The following MAN2A1 variants were observed in gnomAD, a reference collection of about 807,000 sequenced individuals.
The protein encoded by MAN2A1 is mannosidase alpha class 2A member 1.
MAN2A1 carries 76 observed loss-of-function variants against 142.6 expected under a neutral mutation model. That is an observed-to-expected ratio of 0.53 (90% confidence interval 0.44 to 0.65). MAN2A1 has a LOEUF of 0.65. MAN2A1 is among the 30% of genes least tolerant of loss of function. MAN2A1 has a pLI of 0.00. For missense variants in MAN2A1, 1,311 were observed against 1,365.1 expected (o/e 0.96, Z 0.62); for synonymous variants, 559 against 473.2 (o/e 1.18, Z -2.35).
intron 4 of MAN2A1, among the ~76,000 whole-genome samples, chr5:109,748,465 G>A (rs1387269986): frequency 6.6e-6 from 1 of 150,466 alleles, no homozygotes; most frequent in African/African-American, 2.4e-5. Context: ...GGAACAATCA[G>A]TGTTAAATGA....
At chr5:109,780,056 G>GT (rs944790379) in intron 8 of MAN2A1, among the ~76,000 whole-genome samples, 6 of 151,242 alleles carry the variant, frequency 4.0e-5, no homozygotes, top group Admixed American at 6.6e-5. Context: ...ATGGTTGTAA[G>GT]TTTTTTTTTG....
At chr5:109,843,848 C>T (rs1755279538) in intron 17 of MAN2A1, among the ~76,000 whole-genome samples, 1 of 152,080 alleles carries the variant, frequency 6.6e-6, no homozygotes, top group South Asian at 2.1e-4. Context: ...AAACCATGAG[C>T]ATGTTTTTAA....
At chr5:109,714,016 G>A (rs1449018915) in intron 2 of MAN2A1, among the ~76,000 whole-genome samples, 2 of 151,664 alleles carry the variant, frequency 1.3e-5, no homozygotes, top group Non-Finnish European at 2.9e-5. Context: ...CAGTCTTTTT[G>A]TATGCTTTTC....
intron 6 of MAN2A1, among the ~76,000 whole-genome samples, chr5:109,769,165 C>T (rs1207287450): frequency 6.6e-6 from 1 of 152,138 alleles, no homozygotes; most frequent in Admixed American, 6.6e-5. Flanking sequence ...TCATAGCAAG[C>T]ATTAGTGACC....
At chr5:109,763,804 CTT>C (rs34748595) in intron 5 of MAN2A1, among the ~76,000 whole-genome samples, 11 of 143,666 alleles carry the variant, frequency 7.7e-5, no homozygotes, top group Admixed American at 6.9e-5. Flanking sequence ...ACCATTATAA[CTT>C]TTTTTTTTTT....
intron 3 of MAN2A1, among the ~76,000 whole-genome samples, chr5:109,719,361 A>G (rs185376367): frequency 1.2e-4 from 18 of 152,354 alleles, no homozygotes; most frequent in African/African-American, 4.3e-4. Context: ...AATTTTCACT[A>G]TTCCTTAACT....
intron 18 of MAN2A1, among the ~76,000 whole-genome samples, chr5:109,846,341 G>C (rs1755344138): frequency 6.6e-6 from 1 of 152,182 alleles, no homozygotes. Context: ...AGATTCAGAG[G>C]TTTAGATAAG....
At chr5:109,770,999 G>T (rs1753131742) in intron 7 of MAN2A1, among the ~76,000 whole-genome samples, 1 of 152,102 alleles carries the variant, frequency 6.6e-6, no homozygotes, top group Admixed American at 6.6e-5. Context: ...ATGCTTCCCA[G>T]CTCTGGTGTA....
intron 12 of MAN2A1, among the ~76,000 whole-genome samples, chr5:109,805,975 A>C (rs554117017): frequency 6.6e-6 from 1 of 152,156 alleles, no homozygotes; most frequent in Non-Finnish European, 1.5e-5. Context: ...TAGTGAAACA[A>C]CCGCTTGTGT....
chr5:109,735,256 C>T (rs1201757477), intron 4 of MAN2A1, among the ~76,000 whole-genome samples: 3 of 152,130 alleles, frequency 2.0e-5, no homozygotes, highest in African/African-American at 7.2e-5. Flanking sequence ...TATTTTGAGC[C>T]TATGTGTGTC....
intron 9 of MAN2A1, among the ~76,000 whole-genome samples, chr5:109,781,810 GA>G (rs139688041): frequency 1.3e-5 from 2 of 152,030 alleles, no homozygotes; most frequent in African/African-American, 2.4e-5. Context: ...TGTTCTGGAA[GA>G]AAAAATAGTT....
At chr5:109,840,534 A>G (rs1755174425) in intron 16 of MAN2A1, 2 of 508,088 alleles carry the variant, frequency 3.9e-6, no homozygotes, top group South Asian at 2.8e-5. Context: ...TTTTCCTTGG[A>G]CATGGCAGAG....
At chr5:109,763,175 A>G (rs1752898550) in intron 5 of MAN2A1, among the ~76,000 whole-genome samples, 1 of 152,210 alleles carries the variant, frequency 6.6e-6, no homozygotes, top group Admixed American at 6.5e-5. Context: ...TGTGGCACCT[A>G]GCACAAGTGA....
At chr5:109,766,672 G>C (rs368415494) in intron 5 of MAN2A1, among the ~76,000 whole-genome samples, 8 of 151,766 alleles carry the variant, frequency 5.3e-5, no homozygotes, top group East Asian at 3.9e-4. Context: ...CTTAGGTAAG[G>C]TGCTTAAAAG....
chr5:109,821,589 T>G (rs760619414), intron 15 of MAN2A1, among the ~76,000 whole-genome samples: 5 of 152,188 alleles, frequency 3.3e-5, no homozygotes, highest in African/African-American at 7.2e-5. Context: ...CACTGAGAAT[T>G]GGCCATATTA....
intron 4 of MAN2A1, among the ~76,000 whole-genome samples, chr5:109,751,614 G>A (rs946098996): frequency 6.6e-6 from 1 of 151,108 alleles, no homozygotes; most frequent in African/African-American, 2.4e-5. Context: ...TAATGTAAAT[G>A]TTTTTTAAAA....
intron 17 of MAN2A1, among the ~76,000 whole-genome samples, chr5:109,842,670 G>A (rs1048605338): frequency 3.1e-5 from 4 of 127,604 alleles, no homozygotes; most frequent in African/African-American, 1.4e-4. Context: ...ACATCTTTTT[G>A]TAAGGATTTA....
intron 1 of MAN2A1, among the ~76,000 whole-genome samples, chr5:109,693,634 GT>G (rs1357876467): frequency 2.0e-5 from 3 of 152,010 alleles, no homozygotes; most frequent in Admixed American, 1.3e-4. Flanking sequence ...CAACTCTGGT[GT>G]TTTCCACCAT....
At chr5:109,711,995 G>T (rs186996961) in intron 1 of MAN2A1, among the ~76,000 whole-genome samples, 19 of 152,102 alleles carry the variant, frequency 1.2e-4, no homozygotes, top group Non-Finnish European at 1.3e-4. Context: ...GCTGTCTTGT[G>T]CTCCTTTCTT....
Sources: gnomAD v4.1 joint callset for allele counts (sites outside exome capture counted in the v4.1 genomes callset) on GRCh38, gnomAD v4.1.1 for gene constraint, MANE v1.5 for transcripts, NCBI Gene and HGNC (gene_info 2026-07-23, HGNC 2026-07-21) for gene names.